Variants in SPATA17 observed in about 807,000 individuals in gnomAD.
The protein encoded by SPATA17 is spermatogenesis-associated protein 17.
A neutral mutation model predicts 62.2 loss-of-function variants in SPATA17; 53 were observed. The observed-to-expected ratio is 0.85, with a 90% CI of 0.68 to 1.07. The LOEUF (loss-of-function observed/expected upper bound fraction) is 1.07. Ranked by LOEUF, SPATA17 falls within the 50% of genes least tolerant of loss-of-function variation. The pLI is 0.00. For missense variants in SPATA17, 466 were observed against 425.5 expected, an observed-to-expected ratio of 1.10 and a Z score of -0.84; for synonymous variants, 146 against 146.8, an observed-to-expected ratio of 0.99 and a Z score of 0.04.
intron 5 of SPATA17, among the ~76,000 whole-genome samples, chr1:217,739,777 T>C (rs2102946684): frequency 6.6e-6 from 1 of 152,270 alleles, no homozygotes; most frequent in Admixed American, 6.5e-5. Context: ...CAAAGAATGT[T>C]TGACATAAAT....
At chr1:217,748,883 G>A (rs1413899882) in intron 6 of SPATA17, among the ~76,000 whole-genome samples, 3 of 152,122 alleles carry the variant, frequency 2.0e-5, no homozygotes, top group African/African-American at 7.2e-5. Context: ...TTGAGATGAT[G>A]AAGTCCTAGA....
intron 3 of SPATA17, among the ~76,000 whole-genome samples, chr1:217,664,851 C>G (rs1670657816): frequency 6.6e-6 from 1 of 151,804 alleles, no homozygotes; most frequent in African/African-American, 2.4e-5. Context: ...TGGTAGCACT[C>G]GTAGTAGGGA....
chr1:217,732,978 T>C (rs1416750521), intron 5 of SPATA17, among the ~76,000 whole-genome samples: 1 of 152,084 alleles, frequency 6.6e-6, no homozygotes, highest in Non-Finnish European at 1.5e-5. Context: ...ATACAAAAAT[T>C]CTTTTCAACC....
chr1:217,701,531 G>A (rs945155408), intron 5 of SPATA17, among the ~76,000 whole-genome samples: 3 of 151,458 alleles, frequency 2.0e-5, no homozygotes, highest in African/African-American at 7.3e-5. Flanking sequence ...GATTACAGGC[G>A]CCAACCACCA....
intron 9 of SPATA17, among the ~76,000 whole-genome samples, chr1:217,848,068 A>G (rs192021137): frequency 1.1e-4 from 16 of 152,302 alleles, no homozygotes; most frequent in Admixed American, 4.6e-4. Flanking sequence ...CAAGAGGAAT[A>G]CAGCTGATAA....
At chr1:217,764,978 T>C (rs1673260912) in intron 6 of SPATA17, among the ~76,000 whole-genome samples, 2 of 152,142 alleles carry the variant, frequency 1.3e-5, no homozygotes, top group South Asian at 4.1e-4. Context: ...CTTAGAGGGA[T>C]AAAGATTCTA....
chr1:217,858,960 G>A (rs754722218), intron 9 of SPATA17, among the ~76,000 whole-genome samples: 10 of 151,974 alleles, frequency 6.6e-5, no homozygotes, highest in Middle Eastern at 3.4e-3. Flanking sequence ...CCAGGGAGAC[G>A]GAGTTTGCAG....
intron 9 of SPATA17, among the ~76,000 whole-genome samples, chr1:217,824,479 G>T (rs558452098): frequency 6.6e-6 from 1 of 151,216 alleles, no homozygotes; most frequent in Non-Finnish European, 1.5e-5. Context: ...AAGTATTTTG[G>T]CATTTTTATT....
intron 9 of SPATA17, among the ~76,000 whole-genome samples, chr1:217,844,605 CAT>C (rs1235297270): frequency 6.6e-6 from 1 of 152,076 alleles, no homozygotes; most frequent in African/African-American, 2.4e-5. Context: ...AAAGCAATAA[CAT>C]AGAAGAAACG....
chr1:217,858,221 G>A (rs1510247), intron 9 of SPATA17, among the ~76,000 whole-genome samples: 72,312 of 152,004 alleles, frequency 0.48, 18,290 homozygotes, highest in African/African-American at 0.63. Flanking sequence ...AAATAGTTCT[G>A]CTGATGACAT....
In SPATA17 at chr1:217,704,411, C is replaced by T. The variant is rs556693949; in HGVS notation, c.395+21050C>T. Among the ~76,000 whole-genome samples the T allele has an allele frequency of 7.8e-3, 1,178 of 150,470 alleles. 18 individuals are homozygous for T. The highest frequency in any genetic ancestry group is 0.027 in the African/African-American group (1,095 of 40,982). ...GACTACAGGCGCCCGCCACCGCGCCCGGCTAATTTTTTGTATTTTTAGTAG... is the reference window on the plus strand; with the variant it reads ...GACTACAGGCGCCCGCCACCGCGCCTGGCTAATTTTTTGTATTTTTAGTAG... On this transcript the variant is annotated intron_variant, in intron 5 of 10. Coordinates refer to ENST00000366933, the MANE Select transcript of SPATA17 (RefSeq NM_138796.4).
At chr1:217,681,788 G>T (rs1018911914) in intron 4 of SPATA17, among the ~76,000 whole-genome samples, 5 of 152,002 alleles carry the variant, frequency 3.3e-5, no homozygotes, top group African/African-American at 1.2e-4. Context: ...TTTAAGTAAA[G>T]AATTTTTCCG....
chr1:217,859,298 A>G (rs1352214797), intron 9 of SPATA17, among the ~76,000 whole-genome samples: 1 of 147,994 alleles, frequency 6.8e-6, no homozygotes, highest in Non-Finnish European at 1.5e-5. Flanking sequence ...TCCATATATA[A>G]TTTTCTATGT....
chr1:217,864,881 T>G (rs1675976436), intron 10 of SPATA17, among the ~76,000 whole-genome samples: 1 of 152,140 alleles, frequency 6.6e-6, no homozygotes, highest in South Asian at 2.1e-4. Context: ...AAGACAAAGA[T>G]GAGTAACAAA....
At chr1:217,700,852 C>T (rs531695599) in intron 5 of SPATA17, among the ~76,000 whole-genome samples, 58 of 150,684 alleles carry the variant, frequency 3.8e-4, no homozygotes, top group African/African-American at 1.2e-3. Context: ...GTGATCCACC[C>T]GCCTCAGTCT....
At chr1:217,850,116 A>G (rs1675613723) in intron 9 of SPATA17, among the ~76,000 whole-genome samples, 4 of 152,110 alleles carry the variant, frequency 2.6e-5, no homozygotes, top group Admixed American at 2.6e-4. Context: ...AGAGGATGAG[A>G]CAGGGCAAGA....
chr1:217,663,278 C>G (rs924654216), intron 3 of SPATA17, among the ~76,000 whole-genome samples: 1 of 152,026 alleles, frequency 6.6e-6, no homozygotes, highest in African/African-American at 2.4e-5. Flanking sequence ...AACCCTGTCT[C>G]TATTAAAAAT....
intron 5 of SPATA17, among the ~76,000 whole-genome samples, chr1:217,733,555 A>T (rs1672445122): frequency 6.6e-6 from 1 of 152,226 alleles, no homozygotes; most frequent in Non-Finnish European, 1.5e-5. Context: ...CTGATAAATT[A>T]TCAGCTATTT....
intron 6 of SPATA17, among the ~76,000 whole-genome samples, chr1:217,744,462 CAAAAAA>C (rs766645844): frequency 1.6e-4 from 5 of 30,598 alleles, no homozygotes; most frequent in African/African-American, 3.5e-4. Context: ...GACTCCGTCT[CAAAAAA>C]AAAAAAAAAA....
Sources: gnomAD v4.1 joint callset for allele counts (sites outside exome capture counted in the v4.1 genomes callset) on GRCh38, gnomAD v4.1.1 for gene constraint, MANE v1.5 for transcripts, NCBI Gene and HGNC (gene_info 2026-07-23, HGNC 2026-07-21) for gene names.